Variants in PKD1L1 observed in about 807,000 individuals in gnomAD.
PKD1L1 encodes polycystin 1 like 1, transient receptor potential channel interacting.
PKD1L1 carries 236 observed loss-of-function variants against 323.4 expected under a neutral mutation model. That is an observed-to-expected ratio of 0.73 (90% CI 0.66 to 0.81). The LOEUF (loss-of-function observed/expected upper bound fraction) is 0.81. PKD1L1 is among the 40% of genes least tolerant of loss of function. The pLI is 0.00. For synonymous variants in PKD1L1, 1,344 were observed against 1,335.0 expected, an observed-to-expected ratio of 1.01 and a Z score of -0.15; for missense variants, 3,320 against 3,508.0, an observed-to-expected ratio of 0.95 and a Z score of 1.35.
chr7:47,952,677 C>T (rs892210024), upstream of PKD1L1, among the ~76,000 whole-genome samples: 1 of 152,152 alleles, frequency 6.6e-6, no homozygotes, highest in Admixed American at 6.5e-5. Context: ...TCAATAGTAG[C>T]TCCACTAAAG....
At chr7:47,960,767 A>G in the PKD1L1 span, among the ~76,000 whole-genome samples, 1 of 152,108 alleles carries the variant, frequency 6.6e-6, no homozygotes, top group East Asian at 1.9e-4. Flanking sequence ...CAACAGGTAT[A>G]TGAAAAAATG....
chr7:47,904,989 T>A lies in PKD1L1; in HGVS notation c.1691+168A>T, dbSNP rs192985758. On this transcript the variant is annotated intron_variant, in intron 11 of 56. Coordinates refer to ENST00000289672, the MANE Select transcript of PKD1L1 (RefSeq NM_138295.5). ...TCAAGCTGAAGAGAAATGAACGAAA[T>A]CTTCCCTTAAATCTTATGTTGAGTT... Among the ~76,000 whole-genome samples, 123 of 152,254 alleles carry A rather than the reference T, an allele frequency of 8.1e-4. No individual in the cohort carries two copies. In the Middle Eastern group the frequency reaches 0.017, roughly 21 times the overall value.
chr7:47,918,144 C>T (rs1279185520), intron 7 of PKD1L1, among the ~76,000 whole-genome samples: 3 of 152,126 alleles, frequency 2.0e-5, no homozygotes, highest in Non-Finnish European at 4.4e-5. Flanking sequence ...TAGAAAAAGA[C>T]ATTTCATGTG....
At chr7:47,851,454 A>C (rs539544224) in intron 31 of PKD1L1, among the ~76,000 whole-genome samples, 1 of 152,270 alleles carries the variant, frequency 6.6e-6, no homozygotes, top group Non-Finnish European at 1.5e-5. Context: ...CCATAGAGAC[A>C]AGAGAGCAAG....
At chr7:47,813,616 T>C (rs960868761) in intron 48 of PKD1L1, 3 of 663,046 alleles carry the variant, frequency 4.5e-6, no homozygotes, top group East Asian at 3.0e-5. Context: ...GAAAAAGATA[T>C]GTGAATATTC....
chr7:47,865,526 G>C lies in PKD1L1; in HGVS notation c.4093-254C>G, dbSNP rs7800263. 0.14 allele frequency among the ~76,000 whole-genome samples: 20,030 copies of C among 145,290 alleles called. 1,492 individuals are homozygous for C. Among genetic ancestry groups the C allele is most frequent in the African/African-American group, 0.2 (7,888 of 38,758 alleles). On this transcript the variant is annotated intron_variant, in intron 25 of 56. Coordinates refer to ENST00000289672, the MANE Select transcript of PKD1L1 (RefSeq NM_138295.5). ...CACTCCATCAGGGAACTGACACGAG[G>C]GCTGATGAAATAAGGGTGCAGAGCT...
intron 20 of PKD1L1, 80 bp from the exon 21 acceptor site, chr7:47,880,885 G>GT: frequency 9.0e-7 from 1 of 1,117,210 alleles, no homozygotes; most frequent in Non-Finnish European, 1.3e-6. Context: ...TTGGAAATGA[G>GT]TTCCACTCTT....
chr7:47,863,687 C>A (rs952519563), intron 26 of PKD1L1, among the ~76,000 whole-genome samples: 1 of 151,980 alleles, frequency 6.6e-6, no homozygotes, highest in South Asian at 2.1e-4. Context: ...GCAGGAGCAG[C>A]GGCAGTGTGG....
chr7:47,896,947 A>G (rs560802517), intron 14 of PKD1L1, among the ~76,000 whole-genome samples: 1 of 152,284 alleles, frequency 6.6e-6, no homozygotes, highest in South Asian at 2.1e-4. Context: ...CCCAATCAAC[A>G]TTTCTAAAGA....
chr7:47,781,557 T>C (rs1035379693), intron 56 of PKD1L1, among the ~76,000 whole-genome samples: 5 of 151,742 alleles, frequency 3.3e-5, no homozygotes, highest in Admixed American at 6.6e-5. Context: ...TACAGGAGCC[T>C]GCCACCATGC....
In PKD1L1 at chr7:47,946,515, C is replaced by T. The variant is rs926080879; in HGVS notation, c.44+1882G>A. Among the ~76,000 whole-genome samples, 1 of 150,868 alleles carries T rather than the reference C, an allele frequency of 6.6e-6. No homozygotes were observed. Among genetic ancestry groups the T allele is most frequent in the East Asian group, 1.9e-4 (1 of 5,156 alleles). On this transcript the variant is annotated intron_variant, in intron 1 of 56. Transcript: ENST00000289672. The surrounding 1 kb of genome is among the most constrained non-coding windows in gnomAD (Gnocchi z 4.1). Reference sequence around the variant, plus strand: ...GCACCACACAAACACACCATACACACAAACACCACACACACACCAACACAT... The same window carrying T: ...GCACCACACAAACACACCATACACATAAACACCACACACACACCAACACAT...
intron 7 of PKD1L1, 53 bp from the exon 8 acceptor site, chr7:47,915,652 G>C (rs1787412992): frequency 8.5e-7 from 1 of 1,169,628 alleles, no homozygotes; most frequent in African/African-American, 1.6e-5. Flanking sequence ...TAATAAACTA[G>C]GGGAAAATGT....
At chr7:47,779,784 T>A (rs62448545) in intron 56 of PKD1L1, among the ~76,000 whole-genome samples, 1 of 152,134 alleles carries the variant, frequency 6.6e-6, no homozygotes, top group Non-Finnish European at 1.5e-5. Context: ...GTCCAAATAC[T>A]GCAGAAGCTC....
intron 7 of PKD1L1, among the ~76,000 whole-genome samples, chr7:47,916,194 C>A (rs1300060471): frequency 6.6e-6 from 1 of 152,182 alleles, no homozygotes; most frequent in Admixed American, 6.5e-5. Context: ...ATCTACCTAC[C>A]TGTCATCGAG....
chr7:47,805,660 G>C (rs944939707), intron 52 of PKD1L1, among the ~76,000 whole-genome samples: 1 of 152,198 alleles, frequency 6.6e-6, no homozygotes, highest in African/African-American at 2.4e-5. Flanking sequence ...AGCACTCCTG[G>C]GTCAGGACAA....
At chr7:47,912,134 A>C (rs1787335233) in intron 8 of PKD1L1, among the ~76,000 whole-genome samples, 1 of 152,150 alleles carries the variant, frequency 6.6e-6, no homozygotes, top group South Asian at 2.1e-4. Flanking sequence ...GGACTGAACA[A>C]CTTGAGGAAT....
chr7:47,832,870 A>T (rs1785376061), intron 41 of PKD1L1, among the ~76,000 whole-genome samples: 2 of 152,268 alleles, frequency 1.3e-5, no homozygotes, highest in African/African-American at 4.8e-5. Flanking sequence ...TTTTAAAAAG[A>T]TCTGACCAAA....
rs144007329 is a variant in PKD1L1 at position 47,937,557 on chromosome 7, C to T, written c.286-599G>A. Among the ~76,000 whole-genome samples the T allele has an allele frequency of 1.9e-3, 290 of 152,264 alleles. 2 individuals are homozygous for T. The highest frequency in any genetic ancestry group is 6.6e-3 in the African/African-American group (273 of 41,544). On this transcript the variant is annotated intron_variant, in intron 3 of 56. Coordinates refer to ENST00000289672, the MANE Select transcript of PKD1L1 (RefSeq NM_138295.5). ...AGCACAAGAGTGGCACGCTCCAATG[C>T]ACAGAAGCAACAGTGTGGTTGCGGT...
intron 26 of PKD1L1, among the ~76,000 whole-genome samples, chr7:47,862,294 A>G (rs748325170): frequency 5.3e-5 from 8 of 152,220 alleles, no homozygotes; most frequent in Non-Finnish European, 1.2e-4. Flanking sequence ...GCTTATAAAG[A>G]CAGATCATCA....
Sources: gnomAD v4.1 joint callset for allele counts (sites outside exome capture counted in the v4.1 genomes callset) on GRCh38, gnomAD v4.1.1 for gene constraint, Gnocchi (gnomAD v3.1) non-coding constraint, MANE v1.5 for transcripts, NCBI Gene and HGNC (gene_info 2026-07-23, HGNC 2026-07-21) for gene names.